Variants in WWOX observed in about 807,000 individuals in gnomAD.
WWOX encodes WW domain-containing oxidoreductase.
Under a neutral mutation model 46.2 loss-of-function variants are expected in WWOX, and 69 were observed. The ratio of observed to expected loss-of-function variants is 1.49; its 90% CI spans 1.23 to 1.82. The LOEUF (loss-of-function observed/expected upper bound fraction) is 1.82. Among genes scored for constraint, WWOX ranks in the 40% most tolerant of loss-of-function variants. The pLI is 0.00. For missense variants in WWOX, 919 were observed against 542.6 expected, an observed-to-expected ratio of 1.69 and a Z score of -6.89; for synonymous variants, 359 against 202.6, an observed-to-expected ratio of 1.77 and a Z score of -6.56.
chr16:78,845,654 C>T (rs1215332375), intron 8 of WWOX, among the ~76,000 whole-genome samples: 1 of 152,164 alleles, frequency 6.6e-6, no homozygotes, highest in Non-Finnish European at 1.5e-5. Flanking sequence ...TAACTCCAAG[C>T]TATGATTAAG....
At chr16:78,801,136 C>G (rs866421822) in intron 8 of WWOX, among the ~76,000 whole-genome samples, 18 of 151,834 alleles carry the variant, frequency 1.2e-4, no homozygotes, top group African/African-American at 2.9e-4. Flanking sequence ...TCACTGCAGC[C>G]TCCACCTCTG....
chr16:78,872,689 T>G (rs189811549), intron 8 of WWOX: 1 of 152,202 alleles, frequency 6.6e-6, no homozygotes, highest in African/African-American at 2.4e-5. Context: ...AGACAGGCAG[T>G]GTCCCCAACC....
At chr16:78,103,491 C>T (rs1206208196) in intron 1 of WWOX, among the ~76,000 whole-genome samples, 2 of 152,080 alleles carry the variant, frequency 1.3e-5, no homozygotes. Flanking sequence ...CCTGCTGGCC[C>T]TCAGTTCTCT....
At chr16:78,560,696 A>G (rs540024645) in intron 8 of WWOX, among the ~76,000 whole-genome samples, 1 of 152,188 alleles carries the variant, frequency 6.6e-6, no homozygotes, top group African/African-American at 2.4e-5. Flanking sequence ...AGTGATACAT[A>G]TCATTTTGAA....
intron 5 of WWOX, among the ~76,000 whole-genome samples, chr16:78,230,622 C>A (rs1196242772): frequency 6.6e-6 from 1 of 152,194 alleles, no homozygotes; most frequent in Non-Finnish European, 1.5e-5. Flanking sequence ...CACCTGTTGT[C>A]AGAGTTGTGG....
chr16:78,556,488 A>G lies in WWOX; in HGVS notation c.1056+123736A>G, dbSNP rs80156805. ...TTCCCATATCTGAGATGATTCATTT[A>G]TCTTGAGTGCCATCTTAACTACAAT... On this transcript the variant is annotated intron_variant, in intron 8 of 8. Coordinates refer to ENST00000566780, the MANE Select transcript of WWOX (RefSeq NM_016373.4). Among the ~76,000 whole-genome samples the G allele has an allele frequency of 2.5e-3, 386 of 152,256 alleles. 4 individuals are homozygous for G. The highest frequency in any genetic ancestry group is 9.0e-3 in the African/African-American group (373 of 41,544).
chr16:78,632,031 C>G (rs35940748), intron 8 of WWOX, among the ~76,000 whole-genome samples: 50,818 of 151,498 alleles, frequency 0.34, 11,124 homozygotes, highest in African/African-American at 0.63. Context: ...CCAATTTTTT[C>G]TTAAAAAAAA....
chr16:79,145,853 A>T (rs183965811), intron 8 of WWOX, among the ~76,000 whole-genome samples: 10 of 152,198 alleles, frequency 6.6e-5, no homozygotes. Context: ...TAACACAACT[A>T]TCAGATATTT....
rs540383338 is a variant in WWOX, at chr16:78,355,970, A to G, written c.517-30890A>G. ...TTCTGGGGATTCTTCCACTCCTGAA[A>G]TGAGTTGATTTGCAGATAATTCACA... On this transcript the variant is annotated intron_variant, in intron 5 of 8. Coordinates refer to ENST00000566780, the MANE Select transcript of WWOX (RefSeq NM_016373.4). 21 of 189,800 alleles carry G rather than the reference A, an allele frequency of 1.1e-4. No homozygotes were observed. In the East Asian group the frequency reaches 2.4e-3, roughly 21 times the overall value. 11.8% of individuals were successfully genotyped at this position (189,800 alleles called of 1,614,324 possible). A position where few individuals can be genotyped will look rare whatever the true frequency, so the allele number is the denominator to read the frequency against.
intron 4 of WWOX, among the ~76,000 whole-genome samples, chr16:78,150,394 A>G (rs930058671): frequency 5.3e-5 from 8 of 152,068 alleles, no homozygotes; most frequent in African/African-American, 1.9e-4. Context: ...GTTTTGAGAT[A>G]GGGTCTCGCT....
chr16:78,641,308 A>G (rs551348728), intron 8 of WWOX, among the ~76,000 whole-genome samples: 74 of 152,228 alleles, frequency 4.9e-4, no homozygotes, highest in Non-Finnish European at 9.7e-4. Flanking sequence ...ATATGACAAT[A>G]GGACCCATCC....
chr16:78,114,417 C>T (rs768623970), intron 3 of WWOX, among the ~76,000 whole-genome samples: 1 of 152,112 alleles, frequency 6.6e-6, no homozygotes, highest in Non-Finnish European at 1.5e-5. Flanking sequence ...TATTTTAATA[C>T]CATTTCTACA....
chr16:78,878,400 T>C (rs1020054277), intron 8 of WWOX, among the ~76,000 whole-genome samples: 16 of 152,156 alleles, frequency 1.1e-4, no homozygotes, highest in African/African-American at 3.6e-4. Context: ...TTGGAACAAA[T>C]TGACCTCTCT....
intron 8 of WWOX, among the ~76,000 whole-genome samples, chr16:78,908,856 G>T (rs538870612): frequency 6.6e-6 from 1 of 152,144 alleles, no homozygotes; most frequent in Non-Finnish European, 1.5e-5. Context: ...ACTGATGTTC[G>T]GTTTTACCAT....
chr16:79,176,587 G>A (rs1426498989), intron 8 of WWOX, among the ~76,000 whole-genome samples: 1 of 152,170 alleles, frequency 6.6e-6, no homozygotes, highest in African/African-American at 2.4e-5. Context: ...TACATAGAAT[G>A]TATGGATGTG....
chr16:78,528,517 G>C (rs1162555619), intron 8 of WWOX, among the ~76,000 whole-genome samples: 2 of 152,068 alleles, frequency 1.3e-5, no homozygotes, highest in Non-Finnish European at 2.9e-5. Flanking sequence ...TAAAATTAAT[G>C]CTGCTGTTAT....
At chr16:78,789,494 T>A (rs1464549258) in intron 8 of WWOX, among the ~76,000 whole-genome samples, 1 of 152,206 alleles carries the variant, frequency 6.6e-6, no homozygotes, top group African/African-American at 2.4e-5. Context: ...CTGAATTATA[T>A]CCCATTGATC....
intron 8 of WWOX, among the ~76,000 whole-genome samples, chr16:78,918,204 C>G (rs921427587): frequency 1.8e-4 from 28 of 151,906 alleles, no homozygotes; most frequent in African/African-American, 6.5e-4. Context: ...CAAAGTGAGA[C>G]CTTGTCTCAA....
chr16:78,948,055 G>T (rs1160146157), intron 8 of WWOX, among the ~76,000 whole-genome samples: 1 of 152,242 alleles, frequency 6.6e-6, no homozygotes, highest in East Asian at 1.9e-4. Flanking sequence ...GAGGAAAGAA[G>T]GCAGCCTGTG....
Sources: gnomAD v4.1 joint callset for allele counts (sites outside exome capture counted in the v4.1 genomes callset) on GRCh38, gnomAD v4.1.1 for gene constraint, MANE v1.5 for transcripts, NCBI Gene and HGNC (gene_info 2026-07-23, HGNC 2026-07-21) for gene names.